The following SLC35B4 variants were observed in gnomAD, a reference collection of about 807,000 sequenced individuals.
SLC35B4 encodes solute carrier family 35 member B4.
SLC35B4 carries 28 observed loss-of-function variants against 39.5 expected under a neutral mutation model. That is an observed-to-expected ratio of 0.71 (90% CI 0.53 to 0.97). The LOEUF (loss-of-function observed/expected upper bound fraction) is 0.97, where lower values mean the gene tolerates loss of function less well. Among genes scored for constraint, SLC35B4 ranks in the 50% least tolerant of loss-of-function variants. SLC35B4 has a pLI of 0.00. For synonymous variants in SLC35B4, 145 were observed against 150.4 expected, an observed-to-expected ratio of 0.96 and a Z score of 0.26; for missense variants, 334 against 414.3, an observed-to-expected ratio of 0.81 and a Z score of 1.68.
Position 134,294,925 on chromosome 7 carries a change from AC to A in SLC35B4, c.903del (p.Leu301PhefsTer8). 6.2e-7 allele frequency: 1 copy of A among 1,614,212 alleles called. No individual in the cohort carries two copies. The highest frequency in any genetic ancestry group is 8.5e-7 in the Non-Finnish European group (1 of 1,180,044). On this transcript the variant is annotated frameshift_variant, in exon 10 of 10. Coordinates refer to ENST00000378509, the MANE Select transcript of SLC35B4 (RefSeq NM_032826.5). LOFTEE classifies it high-confidence loss of function. ...TACATTAAGGTCCCAATGAAGACAAACAAGGTGCCCAGCCAGTGCCACAGGG... is the reference window on the plus strand; with the variant it reads ...TACATTAAGGTCCCAATGAAGACAAAAAGGTGCCCAGCCAGTGCCACAGGG... ...PFTLWHWLGT[L>X]FVFIGTLMYT...
chr7:134,295,213 G>C lies in SLC35B4; in HGVS notation c.750-134C>G, dbSNP rs1024520970. The C allele has an allele frequency of 2.6e-6, 3 of 1,169,734 alleles. No individual in the cohort carries two copies. The East Asian group carries it at 7.2e-5, about 28-fold the overall frequency. The allele number at this position is 1,169,734 out of a possible 1,614,324, so 72.5% of individuals were successfully genotyped here. On this transcript the variant is annotated intron_variant, in intron 9 of 9. Coordinates refer to ENST00000378509, the MANE Select transcript of SLC35B4 (RefSeq NM_032826.5). ...GAAGGTCCGCTACGGCAGCTCTGAG[G>C]CTCCTCCTGGGGAGAACCTGCAGAA...
chr7:134,319,928 C>A (rs1804067160), upstream of SLC35B4, among the ~76,000 whole-genome samples: 1 of 152,138 alleles, frequency 6.6e-6, no homozygotes, highest in Non-Finnish European at 1.5e-5. Context: ...ACTTCTTCTC[C>A]CGTAAAGGCC....
rs1025840959 is a variant in SLC35B4 at position 134,293,506 on chromosome 7, C to T, written c.*1327G>A. 3.9e-5 allele frequency: 6 copies of T among 152,200 alleles called. No individual in the cohort carries two copies. Among genetic ancestry groups the T allele is most frequent in the African/African-American group, 1.4e-4 (6 of 41,450 alleles). 9.4% of individuals were successfully genotyped at this position (152,200 alleles called of 1,614,324 possible). A position where few individuals can be genotyped will look rare whatever the true frequency, so the allele number is the denominator to read the frequency against. On this transcript the variant is annotated 3_prime_UTR_variant, in exon 10 of 10. Transcript: ENST00000378509. ...TACCTCATAGGACAATAACAACTTT[C>T]AATTGTCGTTGAGGTTTGACCTGAT... is the stretch of plus-strand genomic sequence containing the variant.
intron 1 of SLC35B4, among the ~76,000 whole-genome samples, chr7:134,310,170 A>G (rs1413652213): frequency 1.3e-5 from 2 of 152,226 alleles, no homozygotes; most frequent in African/African-American, 2.4e-5. Context: ...CAAAAGACTG[A>G]AAAACACTGC....
At position 134,291,776 on chromosome 7, in the gene SLC35B4, G is replaced by A. The variant is rs1043702351; in HGVS notation, c.*3057C>T. 2.4e-4 allele frequency: 36 copies of A among 152,190 alleles called. No homozygotes were observed. Among genetic ancestry groups the A allele is most frequent in the African/African-American group, 8.7e-4 (36 of 41,438 alleles). 9.4% of individuals were successfully genotyped at this position (152,190 alleles called of 1,614,324 possible). A position where few individuals can be genotyped will look rare whatever the true frequency, so the allele number is the denominator to read the frequency against. The stretch of plus-strand genomic sequence containing the variant: ...AAGTACATTACAGTTGTTTTAGTTG[G>A]ACGAAAAAGAAAACAAAGAATCAAA... On this transcript the variant is annotated 3_prime_UTR_variant, in exon 10 of 10. Coordinates refer to ENST00000378509, the MANE Select transcript of SLC35B4 (RefSeq NM_032826.5).
rs1489601097 is a variant in SLC35B4, at chr7:134,297,933, C to T, written c.674-1467G>A. Reference sequence around the variant, plus strand: ...CTCTTATGTTAGCTTTATATAATGACACTTGCACAGTAAATTTGTGGGAGG... The same window carrying T: ...CTCTTATGTTAGCTTTATATAATGATACTTGCACAGTAAATTTGTGGGAGG... On this transcript the variant is annotated intron_variant, in intron 8 of 9. Transcript: ENST00000378509. Among the ~76,000 whole-genome samples, 5 of 152,106 alleles carry T rather than the reference C, an allele frequency of 3.3e-5. No individual in the cohort carries two copies. In the East Asian group the frequency reaches 9.6e-4, roughly 29 times the overall value.
rs1339672162 is a variant in SLC35B4, at chr7:134,304,977, A to C, written c.295-123T>G. 3 of 713,660 alleles carry C rather than the reference A, an allele frequency of 4.2e-6. No individual in the cohort carries two copies. The African/African-American group carries it at 5.4e-5, about 13-fold the overall frequency. The allele number at this position is 713,660 out of a possible 1,614,324, so 44.2% of individuals were successfully genotyped here. A position where few individuals can be genotyped will look rare whatever the true frequency, so the allele number is the denominator to read the frequency against. ...GGAATGAAGGAAGCTAGGATGAATA[A>C]TTAGTAAAGATTTAGTTGTTCTTAT... On this transcript the variant is annotated intron_variant, in intron 3 of 9. Transcript: ENST00000378509.
chr7:134,316,978 T>A (rs1410758752), upstream of SLC35B4: 6 of 557,326 alleles, frequency 1.1e-5, no homozygotes, highest in Admixed American at 3.3e-5. Flanking sequence ...CGAGGGGGCG[T>A]CCGAGCCCCG....
intron 8 of SLC35B4, among the ~76,000 whole-genome samples, chr7:134,298,376 C>T (rs4732012): frequency 4.6e-5 from 7 of 152,122 alleles, no homozygotes; most frequent in Admixed American, 2.0e-4. Flanking sequence ...GGAAAATTCA[C>T]GGATCTCAGA....
intron 1 of SLC35B4, among the ~76,000 whole-genome samples, chr7:134,315,911 T>C (rs1585649315): frequency 6.6e-6 from 1 of 152,134 alleles, no homozygotes; most frequent in East Asian, 1.9e-4. Flanking sequence ...TCTTCTGTTA[T>C]AGCTTCTATC....
At chr7:134,320,305 A>ATGGT (rs1210763626), upstream of SLC35B4, among the ~76,000 whole-genome samples, 1 of 152,158 alleles carries the variant, frequency 6.6e-6, no homozygotes, top group Non-Finnish European at 1.5e-5. Flanking sequence ...GTCTCTTGAC[A>ATGGT]TGGTGTCTCT....
chr7:134,306,974 G>C (rs1359904128), intron 2 of SLC35B4, among the ~76,000 whole-genome samples, 200 bp from the exon 3 acceptor site: 1 of 152,098 alleles, frequency 6.6e-6, no homozygotes, highest in African/African-American at 2.4e-5. Context: ...GAAAATCTAA[G>C]TTATAAAATA....
chr7:134,319,092 TC>T (rs1447393354), upstream of SLC35B4, among the ~76,000 whole-genome samples: 1 of 152,178 alleles, frequency 6.6e-6, no homozygotes, highest in East Asian at 1.9e-4. Flanking sequence ...CTCAGAGAAC[TC>T]TTGCTAGCAA....
At chr7:134,313,006 A>T (rs1013926139) in intron 1 of SLC35B4, among the ~76,000 whole-genome samples, 3 of 152,206 alleles carry the variant, frequency 2.0e-5, no homozygotes, top group Non-Finnish European at 2.9e-5. Context: ...ACCCTATTCT[A>T]CTTTTTGTTT....
intron 1 of SLC35B4, among the ~76,000 whole-genome samples, chr7:134,316,457 G>A (rs1258414996): frequency 6.6e-6 from 1 of 152,244 alleles, no homozygotes; most frequent in East Asian, 1.9e-4. Context: ...ACTGTTAGGC[G>A]GGACTGCCGC....
At chr7:134,316,568 G>A in intron 1 of SLC35B4, 107 bp downstream of exon 1, 1 of 1,197,710 alleles carries the variant, frequency 8.3e-7, no homozygotes, top group Non-Finnish European at 1.2e-6. Flanking sequence ...CGGGCTCCGT[G>A]GGCGGCGGGG....
At chr7:134,306,029 A>T (rs966811434) in intron 3 of SLC35B4, among the ~76,000 whole-genome samples, 4 of 152,172 alleles carry the variant, frequency 2.6e-5, no homozygotes, top group Non-Finnish European at 5.9e-5. Flanking sequence ...AAAAGGTGAC[A>T]ATCAATCAAC....
intron 8 of SLC35B4, among the ~76,000 whole-genome samples, chr7:134,298,839 A>C (rs1301918618): frequency 3.3e-5 from 5 of 152,204 alleles, no homozygotes; most frequent in African/African-American, 1.2e-4. Flanking sequence ...TGCAACATAA[A>C]GCCTTGATTT....
chr7:134,318,480 T>C (rs200236324), upstream of SLC35B4, among the ~76,000 whole-genome samples: 21 of 41,362 alleles, frequency 5.1e-4, no homozygotes, highest in African/African-American at 1.3e-3. Flanking sequence ...CACACACATA[T>C]ATATATATAT....
Sources: gnomAD v4.1 joint callset for allele counts (sites outside exome capture counted in the v4.1 genomes callset) on GRCh38, gnomAD v4.1.1 for gene constraint, MANE v1.5 for transcripts, NCBI Gene and HGNC (gene_info 2026-07-23, HGNC 2026-07-21) for gene names.